CTTNBP2NL: variants seen among roughly 807,000 people sequenced by gnomAD.
CTTNBP2NL encodes the protein CTTNBP2 N-terminal-like protein.
CTTNBP2NL carries 16 observed loss-of-function variants against 32.5 expected under a neutral mutation model. That is an observed-to-expected ratio of 0.49 (90% CI 0.33 to 0.75). The LOEUF is 0.75. CTTNBP2NL is among the 30% of genes least tolerant of loss of function. The pLI is 0.02. For synonymous variants in CTTNBP2NL, 298 were observed against 289.4 expected (o/e 1.03, Z -0.30); for missense variants, 645 against 756.0 (o/e 0.85, Z 1.72).
Position 112,408,804 on chromosome 1 carries a change from A to G in CTTNBP2NL, c.-133-3390A>G, listed in dbSNP as rs534074341. ...AGTTTTAAGAATTTACTGGCCTCCTATATTTTGGCTTGGCTTATATGTATT... is the reference window on the plus strand; with the variant it reads ...AGTTTTAAGAATTTACTGGCCTCCTGTATTTTGGCTTGGCTTATATGTATT... On this transcript the variant is annotated intron_variant, in intron 1 of 5. Transcript: ENST00000271277. Among the ~76,000 whole-genome samples, 25 of 152,148 alleles carry G rather than the reference A, an allele frequency of 1.6e-4. No homozygotes were observed. In the Middle Eastern group the frequency reaches 0.01, roughly 62 times the overall value.
intron 1 of CTTNBP2NL, among the ~76,000 whole-genome samples, chr1:112,398,463 GTGTT>G (rs1184130055): frequency 2.6e-5 from 4 of 152,070 alleles, no homozygotes; most frequent in South Asian, 2.1e-4. Flanking sequence ...GACTTCATGA[GTGTT>G]TGTTTAACTT....
rs568850810 is a variant in CTTNBP2NL at position 112,450,801 on chromosome 1, C to G, written c.330+1629C>G. Among the ~76,000 whole-genome samples, 8 of 137,844 alleles carry G rather than the reference C, an allele frequency of 5.8e-5. No individual in the cohort carries two copies. The South Asian group carries it at 1.8e-3, about 32-fold the overall frequency. 90.4% of individuals were successfully genotyped at this position (137,844 alleles called of 152,430 possible). A position where few individuals can be genotyped will look rare whatever the true frequency, so the allele number is the denominator to read the frequency against. ...TTTTTTTTTGAGGTGAAGTCTCACTCTGTCACCCAGGCTGGAGTGCAGTGG... is the reference window on the plus strand; with the variant it reads ...TTTTTTTTTGAGGTGAAGTCTCACTGTGTCACCCAGGCTGGAGTGCAGTGG... On this transcript the variant is annotated intron_variant, in intron 4 of 5. Coordinates refer to ENST00000271277, the MANE Select transcript of CTTNBP2NL (RefSeq NM_018704.3).
At chr1:112,433,608 T>C (rs1649638252) in intron 3 of CTTNBP2NL, among the ~76,000 whole-genome samples, 2 of 152,050 alleles carry the variant, frequency 1.3e-5, no homozygotes, top group Admixed American at 6.6e-5. Flanking sequence ...CAAACCAACA[T>C]AATAATAATA....
intron 3 of CTTNBP2NL, among the ~76,000 whole-genome samples, chr1:112,425,522 G>T (rs972845998): frequency 6.6e-6 from 1 of 152,034 alleles, no homozygotes; most frequent in Admixed American, 6.6e-5. Flanking sequence ...TTTATATCCT[G>T]CAACCATGCT....
intron 5 of CTTNBP2NL, among the ~76,000 whole-genome samples, chr1:112,455,112 T>G (rs1221450125): frequency 2.6e-5 from 4 of 152,210 alleles, no homozygotes; most frequent in Non-Finnish European, 5.9e-5. Flanking sequence ...ATCTCAGAGT[T>G]TGAAAAACAC....
chr1:112,415,844 T>C lies in CTTNBP2NL; in HGVS notation c.-9-313T>C, dbSNP rs1570721686. On this transcript the variant is annotated intron_variant, in intron 2 of 5. Transcript: ENST00000271277. ...TGCTGGGATTACAGGCATGAGCCACTGCACCCAGCCCTAGCGGCTAATTCT... is the reference window on the plus strand; with the variant it reads ...TGCTGGGATTACAGGCATGAGCCACCGCACCCAGCCCTAGCGGCTAATTCT... 5 of 296,894 alleles carry C rather than the reference T, an allele frequency of 1.7e-5. No individual in the cohort carries two copies. In the East Asian group the frequency reaches 6.4e-4, roughly 38 times the overall value. 18.4% of individuals were successfully genotyped at this position (296,894 alleles called of 1,614,324 possible).
intron 4 of CTTNBP2NL, 119 bp from the exon 5 acceptor site, chr1:112,454,330 C>CGTTT: frequency 7.3e-6 from 5 of 689,164 alleles, no homozygotes; most frequent in Middle Eastern, 3.8e-4. Flanking sequence ...TTCATTTATT[C>CGTTT]GTTTGTTTGT....
At position 112,457,118 on chromosome 1, in the gene CTTNBP2NL, A is replaced by G. The variant is rs1283693862; in HGVS notation, c.1626A>G (p.Pro542=). The G allele has an allele frequency of 1.2e-6, 2 of 1,613,922 alleles. No individual in the cohort carries two copies. Among genetic ancestry groups the G allele is most frequent in the African/African-American group, 2.7e-5 (2 of 74,876 alleles). ...DYRNLANTAN[P]RGDTSHSPTP... ...GAAATCTAGCCAACACTGCCAATCC[A>G]AGAGGTGACACAAGCCATTCACCTA... The change falls in exon 6 of 6, where the codon CCA becomes CCG. Residue 542 remains proline, a synonymous_variant. Coordinates refer to ENST00000271277, the MANE Select transcript of CTTNBP2NL (RefSeq NM_018704.3).
At chr1:112,433,286 G>T (rs941141305) in intron 3 of CTTNBP2NL, among the ~76,000 whole-genome samples, 1 of 152,074 alleles carries the variant, frequency 6.6e-6, no homozygotes, top group Non-Finnish European at 1.5e-5. Context: ...GCGTGCATGC[G>T]TGCGTTTTGT....
intron 3 of CTTNBP2NL, among the ~76,000 whole-genome samples, chr1:112,426,943 A>G (rs1376776739): frequency 6.6e-6 from 1 of 152,160 alleles, no homozygotes; most frequent in Non-Finnish European, 1.5e-5. Flanking sequence ...TAAAAATCAT[A>G]AACATTTCAA....
At chr1:112,439,035 T>C (rs772220378) in intron 3 of CTTNBP2NL, among the ~76,000 whole-genome samples, 8 of 152,226 alleles carry the variant, frequency 5.3e-5, no homozygotes, top group Non-Finnish European at 1.0e-4. Context: ...TACGTAAGGC[T>C]ACAGTGACAG....
intron 3 of CTTNBP2NL, among the ~76,000 whole-genome samples, chr1:112,438,510 C>T (rs1649803770): frequency 6.6e-6 from 1 of 152,174 alleles, no homozygotes; most frequent in South Asian, 2.1e-4. Flanking sequence ...ATCATGTCAT[C>T]TGCAAACAGG....
chr1:112,396,789 C>A (rs1226605372), intron 1 of CTTNBP2NL, among the ~76,000 whole-genome samples: 1 of 152,172 alleles, frequency 6.6e-6, no homozygotes, highest in Non-Finnish European at 1.5e-5. Context: ...ACGGAGGAAG[C>A]GGCTTCTCCC....
intron 3 of CTTNBP2NL, among the ~76,000 whole-genome samples, chr1:112,446,093 G>GT (rs1449805862): frequency 3.3e-5 from 5 of 151,974 alleles, no homozygotes; most frequent in African/African-American, 1.2e-4. Context: ...AATAAGAAAT[G>GT]TGACAGTTAG....
intron 3 of CTTNBP2NL, among the ~76,000 whole-genome samples, chr1:112,418,310 G>A (rs190032802): frequency 6.8e-4 from 104 of 152,224 alleles, no homozygotes; most frequent in Non-Finnish European, 1.3e-3. Flanking sequence ...TTTCTGCAAA[G>A]TGCCAGATTG....
intron 3 of CTTNBP2NL, among the ~76,000 whole-genome samples, chr1:112,431,157 T>TC (rs1378418483): frequency 6.6e-6 from 1 of 152,230 alleles, no homozygotes; most frequent in Non-Finnish European, 1.5e-5. Context: ...CGGAGGGGCT[T>TC]CAGAAAAGAT....
chr1:112,436,942 G>A (rs535369344), intron 3 of CTTNBP2NL, among the ~76,000 whole-genome samples: 1 of 152,236 alleles, frequency 6.6e-6, no homozygotes, highest in South Asian at 2.1e-4. Context: ...ATGGCTTCTA[G>A]CTCCAACCAT....
chr1:112,407,693 C>T lies in CTTNBP2NL; in HGVS notation c.-133-4501C>T, dbSNP rs1322365473. Among the ~76,000 whole-genome samples, 7 of 152,152 alleles carry T rather than the reference C, an allele frequency of 4.6e-5. No homozygotes were observed. The East Asian group carries it at 5.8e-4, about 13-fold the overall frequency. On this transcript the variant is annotated intron_variant, in intron 1 of 5. Transcript: ENST00000271277. ...ATGTATTATAGTAATCCAAATATTC[C>T]AGTAATATCTTTCACCTTCATCTGA...
intron 3 of CTTNBP2NL, among the ~76,000 whole-genome samples, chr1:112,435,248 A>G (rs913468533): frequency 1.3e-5 from 2 of 152,070 alleles, no homozygotes; most frequent in African/African-American, 4.8e-5. Flanking sequence ...GATTAGTGAT[A>G]ATAGGAGAAT....
Sources: gnomAD v4.1 joint callset for allele counts (sites outside exome capture counted in the v4.1 genomes callset) on GRCh38, gnomAD v4.1.1 for gene constraint, MANE v1.5 for transcripts, NCBI Gene and HGNC (gene_info 2026-07-23, HGNC 2026-07-21) for gene names.